The following LGR6 variants were observed in gnomAD, a reference collection of about 807,000 sequenced individuals.
The protein encoded by LGR6 is leucine-rich repeat-containing G protein-coupled receptor 6.
A neutral mutation model predicts 69.4 loss-of-function variants in LGR6; 45 were observed. The observed-to-expected ratio is 0.65, with a 90% CI of 0.51 to 0.83. LGR6 has a LOEUF of 0.83. Among genes scored for constraint, LGR6 ranks in the 40% least tolerant of loss-of-function variants. LGR6 has a pLI of 0.00. For missense variants in LGR6, 1,108 were observed against 1,246.7 expected, an observed-to-expected ratio of 0.89 and a Z score of 1.68; for synonymous variants, 538 against 555.0, an observed-to-expected ratio of 0.97 and a Z score of 0.43.
intron 4 of LGR6, among the ~76,000 whole-genome samples, chr1:202,273,943 C>T (rs982428705): frequency 6.6e-6 from 1 of 152,160 alleles, no homozygotes; most frequent in African/African-American, 2.4e-5. Context: ...AAGCAGGACT[C>T]AGGGCTTAGG....
chr1:202,222,785 C>G (rs1660255600), intron 1 of LGR6, among the ~76,000 whole-genome samples: 2 of 152,134 alleles, frequency 1.3e-5, no homozygotes, highest in Non-Finnish European at 2.9e-5. Flanking sequence ...CTGAAAACAT[C>G]CTGAGGACCA....
chr1:202,310,077 G>T, intron 15 of LGR6, 120 bp from the exon 16 acceptor site: 2 of 958,414 alleles, frequency 2.1e-6, no homozygotes, highest in Non-Finnish European at 1.6e-6. Flanking sequence ...CAGGGAACTT[G>T]GGAGTTGAAG....
chr1:202,288,761 C>T (rs1450984867), intron 6 of LGR6, among the ~76,000 whole-genome samples: 1 of 152,330 alleles, frequency 6.6e-6, no homozygotes, highest in South Asian at 2.1e-4. Flanking sequence ...CCTTGGCCCT[C>T]CCTTTGGTCC....
At chr1:202,317,891 G>A in intron 17 of LGR6, 61 bp from the exon 18 acceptor site, 1 of 1,471,458 alleles carries the variant, frequency 6.8e-7, no homozygotes, top group Non-Finnish European at 9.2e-7. Flanking sequence ...GCTGACCTTG[G>A]TCCTGAAGAC....
At chr1:202,289,999 A>C (rs1666677285) in intron 6 of LGR6, among the ~76,000 whole-genome samples, 1 of 152,252 alleles carries the variant, frequency 6.6e-6, no homozygotes, top group Non-Finnish European at 1.5e-5. Context: ...AATGATATTC[A>C]TCTTTCTTAA....
At chr1:202,308,000 C>A (rs983572445) in intron 14 of LGR6, among the ~76,000 whole-genome samples, 1 of 152,192 alleles carries the variant, frequency 6.6e-6, no homozygotes. Flanking sequence ...GAGCTGACAT[C>A]CTGCCACCTC....
At chr1:202,269,300 G>A (rs765975298) in intron 4 of LGR6, among the ~76,000 whole-genome samples, 1 of 152,166 alleles carries the variant, frequency 6.6e-6, no homozygotes, top group Non-Finnish European at 1.5e-5. Context: ...GAGAGAGGGA[G>A]GCAACCAGGC....
At position 202,228,004 on chromosome 1, in the gene LGR6, T is replaced by C. The variant is rs1325498575; in HGVS notation, c.353T>C (p.Ile118Thr). ...QAFSGLYSLK[I>T]LMLQNNQLGG... ...TTCTCTGGTCTCTACAGCCTGAAAA[T>C]CCTGTAAGTATAGGTACACCTCATT... is the stretch of plus-strand genomic sequence containing the variant. Residue 118 changes from isoleucine to threonine, a missense_variant, in exon 3 of 18, where the codon ATC (isoleucine) becomes ACC (threonine). By Grantham distance (89) the Ile-to-Thr change is moderately conservative. Transcript: ENST00000367278. 1 of 1,609,328 alleles carries C rather than the reference T, an allele frequency of 6.2e-7. No individual in the cohort carries two copies. The highest frequency in any genetic ancestry group is 8.5e-7 in the Non-Finnish European group (1 of 1,175,808).
chr1:202,318,405 C>T lies in LGR6; in HGVS notation c.2102C>T (p.Ala701Val). 1 of 1,605,954 alleles carries T rather than the reference C, an allele frequency of 6.2e-7. No individual in the cohort carries two copies. Among genetic ancestry groups the T allele is most frequent in the Non-Finnish European group, 8.5e-7 (1 of 1,176,292 alleles). Residue 701 changes from alanine (A) to valine (V), a missense_variant, in exon 18 of 18, where the codon GCC (alanine) becomes GTC (valine). Ala to Val is a moderately conservative substitution (Grantham distance 64). Transcript: ENST00000367278. Reference protein sequence around the residue: ...LGCLALAGLAAALPLASVGEY... With the variant: ...LGCLALAGLAVALPLASVGEY... ...TGCCTGGCACTGGCAGGGCTGGCCG[C>T]CGCGCTGCCCCTGGCCTCAGTGGGA...
At chr1:202,238,669 T>G (rs1661839063) in intron 4 of LGR6, among the ~76,000 whole-genome samples, 1 of 151,988 alleles carries the variant, frequency 6.6e-6, no homozygotes, top group African/African-American at 2.4e-5. Context: ...GTGATTCACC[T>G]GCGTCGGCCT....
rs377016684 is a variant in LGR6 at position 202,304,657 on chromosome 1, C to G, written c.1070+27C>G. 143 of 1,581,814 alleles carry G rather than the reference C, an allele frequency of 9.0e-5. No individual in the cohort carries two copies. The Middle Eastern group carries it at 1.3e-3, about 15-fold the overall frequency. On this transcript the variant is annotated intron_variant, in intron 11 of 17. Transcript: ENST00000367278. ...TGAGTGCTCACAAGAATTCTACAGT[C>G]TTGGCATTGTGCCCCTACCCCCATG...
chr1:202,205,830 A>C (rs962796889), intron 1 of LGR6, among the ~76,000 whole-genome samples: 2 of 106,810 alleles, frequency 1.9e-5, no homozygotes, highest in East Asian at 3.0e-4. Context: ...CACACACCCC[A>C]ACACACACAC....
At chr1:202,286,673 G>A (rs1011142754) in intron 6 of LGR6, among the ~76,000 whole-genome samples, 1 of 152,090 alleles carries the variant, frequency 6.6e-6, no homozygotes, top group African/African-American at 2.4e-5. Context: ...ACATTTGTGG[G>A]TTTATTAGCT....
intron 4 of LGR6, among the ~76,000 whole-genome samples, chr1:202,257,762 C>T (rs1471155058): frequency 6.6e-6 from 1 of 152,038 alleles, no homozygotes; most frequent in Non-Finnish European, 1.5e-5. Flanking sequence ...GGTGAGTCTT[C>T]CTACTTTGTT....
chr1:202,196,979 A>G (rs745490746), intron 1 of LGR6: 1 of 527,152 alleles, frequency 1.9e-6, no homozygotes, highest in Admixed American at 2.0e-5. Flanking sequence ...GGTCCTCCTG[A>G]CACAGAGTTA....
At chr1:202,303,717 T>G (rs1667773569) in intron 10 of LGR6, among the ~76,000 whole-genome samples, 1 of 152,180 alleles carries the variant, frequency 6.6e-6, no homozygotes, top group South Asian at 2.1e-4. Context: ...GTTCTTGTAT[T>G]TTCTATTATT....
chr1:202,214,619 A>G (rs1284480364), intron 1 of LGR6, among the ~76,000 whole-genome samples: 2 of 152,168 alleles, frequency 1.3e-5, no homozygotes, highest in Non-Finnish European at 1.5e-5. Flanking sequence ...AAGTAACTTG[A>G]TATTTCCGAA....
chr1:202,284,147 A>G (rs540372501), intron 6 of LGR6, among the ~76,000 whole-genome samples: 1 of 152,220 alleles, frequency 6.6e-6, no homozygotes, highest in South Asian at 2.1e-4. Flanking sequence ...CCCCCTTCCT[A>G]CAGAAACCTT....
chr1:202,208,901 G>A (rs532362413), intron 1 of LGR6, among the ~76,000 whole-genome samples: 51 of 152,232 alleles, frequency 3.4e-4, no homozygotes, highest in Non-Finnish European at 5.4e-4. Context: ...AATGGCCCTA[G>A]AGCCATAGGG....
Sources: allele counts gnomAD v4.1 joint callset (sites outside exome capture counted in the v4.1 genomes callset), GRCh38; gene constraint gnomAD v4.1.1; transcripts MANE v1.5; gene names NCBI Gene and HGNC (gene_info 2026-07-23, HGNC 2026-07-21).